NGLY1: variants seen among roughly 807,000 people sequenced by gnomAD.
The protein encoded by NGLY1 is N-glycanase 1.
A neutral mutation model predicts 84.6 loss-of-function variants in NGLY1; 68 were observed. The observed-to-expected ratio is 0.80, with a 90% CI of 0.66 to 0.98. NGLY1 has a LOEUF of 0.98. Among genes scored for constraint, NGLY1 ranks in the 50% least tolerant of loss-of-function variants. NGLY1 has a pLI of 0.00. For missense variants in NGLY1, 779 were observed against 770.2 expected (o/e 1.01, Z -0.14); for synonymous variants, 280 against 275.2 (o/e 1.02, Z -0.17).
intron 3 of NGLY1, 40 bp from the exon 4 acceptor site, chr3:25,751,303 T>C (rs947078832): frequency 3.8e-5 from 55 of 1,440,396 alleles, no homozygotes; most frequent in Non-Finnish European, 4.7e-5. Flanking sequence ...CTTTTCACCA[T>C]ATGCTACAAA....
intron 2 of NGLY1, among the ~76,000 whole-genome samples, chr3:25,771,597 T>C (rs572924237): frequency 1.3e-5 from 2 of 152,220 alleles, no homozygotes; most frequent in African/African-American, 4.8e-5. Context: ...GGGAATTGCA[T>C]TGAATTTGGA....
intron 4 of NGLY1, among the ~76,000 whole-genome samples, chr3:25,747,206 C>T (rs372518494): frequency 6.6e-6 from 1 of 152,312 alleles, no homozygotes; most frequent in African/African-American, 2.4e-5. Flanking sequence ...CCCTGCAGGG[C>T]CCAGCCCAAT....
intron 4 of NGLY1, among the ~76,000 whole-genome samples, chr3:25,749,053 C>T (rs1483284305): frequency 6.6e-6 from 1 of 152,196 alleles, no homozygotes; most frequent in Non-Finnish European, 1.5e-5. Context: ...CATACCGCTT[C>T]ATCCCCATTA....
At chr3:25,753,736 A>G (rs2125520737) in intron 3 of NGLY1, among the ~76,000 whole-genome samples, 1 of 152,264 alleles carries the variant, frequency 6.6e-6, no homozygotes, top group East Asian at 1.9e-4. Flanking sequence ...AACTTCATCT[A>G]AACAAAACAG....
intron 2 of NGLY1, among the ~76,000 whole-genome samples, chr3:25,773,086 T>C (rs1428878087): frequency 6.6e-6 from 1 of 152,224 alleles, no homozygotes; most frequent in Non-Finnish European, 1.5e-5. Flanking sequence ...TGACTTTAGA[T>C]AACCTGAGGA....
chr3:25,767,084 G>A (rs755491688), intron 2 of NGLY1, among the ~76,000 whole-genome samples: 1 of 151,974 alleles, frequency 6.6e-6, no homozygotes, highest in Non-Finnish European at 1.5e-5. Context: ...ACAAGGTCAC[G>A]AGTTTGAGAT....
chr3:25,780,758 C>T (rs1483507732), intron 1 of NGLY1, among the ~76,000 whole-genome samples: 2 of 151,808 alleles, frequency 1.3e-5, no homozygotes, highest in African/African-American at 4.8e-5. Context: ...GTAGCTAGGA[C>T]TACAGGTGAG....
upstream of NGLY1, among the ~76,000 whole-genome samples, chr3:25,787,895 T>C (rs1428385840): frequency 2.0e-5 from 3 of 152,204 alleles, no homozygotes; most frequent in Non-Finnish European, 4.4e-5. Context: ...GCCTTTGTTC[T>C]CCTCCTGCCA....
intron 10 of NGLY1, among the ~76,000 whole-genome samples, chr3:25,727,070 G>T (rs1417331384): frequency 6.6e-6 from 1 of 152,162 alleles, no homozygotes; most frequent in African/African-American, 2.4e-5. Context: ...CTATTCAACA[G>T]AGCTAGAAAA....
At chr3:25,724,841 C>T (rs1458793497) in intron 10 of NGLY1, among the ~76,000 whole-genome samples, 2 of 152,172 alleles carry the variant, frequency 1.3e-5, no homozygotes. Context: ...TCTGCAAGGC[C>T]TTCTCTGACT....
chr3:25,748,815 C>T (rs561049883), intron 4 of NGLY1, among the ~76,000 whole-genome samples: 10 of 152,070 alleles, frequency 6.6e-5, no homozygotes, highest in African/African-American at 1.4e-4. Context: ...TCACTAATGA[C>T]GCTATCATAT....
At chr3:25,719,705 G>T in intron 11 of NGLY1, 70 bp from the exon 12 acceptor site, 2 of 1,270,976 alleles carry the variant, frequency 1.6e-6, no homozygotes, top group Non-Finnish European at 2.2e-6. Flanking sequence ...ATTTTGAAAT[G>T]TATTTTATAT....
chr3:25,722,511 G>A (rs917299473), intron 10 of NGLY1, among the ~76,000 whole-genome samples: 1 of 152,008 alleles, frequency 6.6e-6, no homozygotes, highest in African/African-American at 2.4e-5. Flanking sequence ...TTTTCTTCCA[G>A]GTATGCCCAT....
At chr3:25,729,529 G>C (rs1374629637) in intron 9 of NGLY1, 1 of 318,910 alleles carries the variant, frequency 3.1e-6, no homozygotes, top group Non-Finnish European at 5.6e-6. Flanking sequence ...AAAACAAGAA[G>C]TATGAGCTCT....
chr3:25,720,265 G>T, intron 10 of NGLY1, 74 bp from the exon 11 acceptor site: 1 of 1,190,564 alleles, frequency 8.4e-7, no homozygotes, highest in Non-Finnish European at 1.2e-6. Context: ...ACTTAGTGAA[G>T]AATATTACTG....
chr3:25,765,644 GCTGGATTAGA>G (rs1707527228), intron 2 of NGLY1, among the ~76,000 whole-genome samples: 1 of 152,056 alleles, frequency 6.6e-6, no homozygotes, highest in Non-Finnish European at 1.5e-5. Flanking sequence ...TTTTTAAAAA[GCTGGATTAGA>G]CCAGCAAGCT....
upstream of NGLY1, among the ~76,000 whole-genome samples, chr3:25,785,517 A>G (rs1305615873): frequency 1.3e-5 from 2 of 148,566 alleles, no homozygotes; most frequent in Non-Finnish European, 2.9e-5. Context: ...AAAATGCAAC[A>G]GAACTTTTTT....
In NGLY1 at chr3:25,752,634, C is replaced by T. The variant is rs1426078759; in HGVS notation, c.493-1371G>A. ...GCCAACCTGGGTAATACAGCAAGAT[C>T]CTATCTCTTAAAAAAAAAAAAAAAA... On this transcript the variant is annotated intron_variant, in intron 3 of 11. Coordinates refer to ENST00000280700, the MANE Select transcript of NGLY1 (RefSeq NM_018297.4). Among the ~76,000 whole-genome samples, 3 of 150,180 alleles carry T rather than the reference C, an allele frequency of 2.0e-5. No individual in the cohort carries two copies. In the South Asian group the frequency reaches 6.3e-4, roughly 32 times the overall value.
chr3:25,738,182 T>C (rs1194403180), intron 5 of NGLY1, among the ~76,000 whole-genome samples: 1 of 152,212 alleles, frequency 6.6e-6, no homozygotes, highest in African/African-American at 2.4e-5. Flanking sequence ...GCTCACTGTA[T>C]TTAAAAGGTA....
Sources: allele counts gnomAD v4.1 joint callset (sites outside exome capture counted in the v4.1 genomes callset), GRCh38; gene constraint gnomAD v4.1.1; transcripts MANE v1.5; gene names NCBI Gene and HGNC (gene_info 2026-07-23, HGNC 2026-07-21).